MGAT5: variants seen among roughly 807,000 people sequenced by gnomAD.
The protein encoded by MGAT5 is alpha-1,6-mannosylglycoprotein 6-beta-N-acetylglucosaminyltransferase A.
Under a neutral mutation model 94.3 loss-of-function variants are expected in MGAT5, and 30 were observed. That is an observed-to-expected ratio of 0.32 (90% CI 0.24 to 0.43). The LOEUF (loss-of-function observed/expected upper bound fraction) is 0.43. MGAT5 is among the 20% of genes least tolerant of loss of function. MGAT5 has a pLI of 1.00. For synonymous variants in MGAT5, 310 were observed against 322.9 expected (o/e 0.96, Z 0.43); for missense variants, 691 against 905.5 (o/e 0.76, Z 3.04).
chr2:134,369,977 T>C (rs1680684564), intron 10 of MGAT5, among the ~76,000 whole-genome samples: 1 of 152,216 alleles, frequency 6.6e-6, no homozygotes, highest in Admixed American at 6.5e-5. Flanking sequence ...ATTTGGCTTT[T>C]GGCTTTCCAG....
At chr2:134,339,429 T>G (rs1346343971) in intron 6 of MGAT5, among the ~76,000 whole-genome samples, 1 of 152,194 alleles carries the variant, frequency 6.6e-6, no homozygotes, top group African/African-American at 2.4e-5. Flanking sequence ...TATATTTGCT[T>G]CTTGCTGTTA....
chr2:134,267,421 C>G (rs1683783270), intron 1 of MGAT5, among the ~76,000 whole-genome samples: 1 of 152,226 alleles, frequency 6.6e-6, no homozygotes, highest in Non-Finnish European at 1.5e-5. Flanking sequence ...AGCACACTGC[C>G]TGGCATATAG....
intron 2 of MGAT5, 97 bp downstream of exon 2, chr2:134,270,647 T>G (rs993492337): frequency 8.2e-7 from 1 of 1,221,518 alleles, no homozygotes; most frequent in Non-Finnish European, 1.1e-6. Flanking sequence ...GGAACCTGCA[T>G]AATATAAATT....
chr2:134,411,397 GCTT>G (rs1249002421), intron 11 of MGAT5, among the ~76,000 whole-genome samples: 1 of 152,120 alleles, frequency 6.6e-6, no homozygotes, highest in African/African-American at 2.4e-5. Flanking sequence ...GGCCTCTAAA[GCTT>G]CTTTTCTTCC....
chr2:134,180,490 G>T, intron 1 of MGAT5, among the ~76,000 whole-genome samples: 1 of 152,172 alleles, frequency 6.6e-6, no homozygotes, highest in East Asian at 1.9e-4. Flanking sequence ...ACACAGCAAC[G>T]CTATGAAGCA....
intron 8 of MGAT5, 71 bp downstream of exon 8, chr2:134,345,135 T>C (rs1214053945): frequency 2.7e-6 from 4 of 1,487,018 alleles, no homozygotes; most frequent in African/African-American, 1.4e-5. Flanking sequence ...TGGTTGTGGG[T>C]AGAAAAAGCT....
At chr2:134,165,089 T>C (rs1687910717) in intron 1 of MGAT5, among the ~76,000 whole-genome samples, 1 of 152,186 alleles carries the variant, frequency 6.6e-6, no homozygotes, top group Non-Finnish European at 1.5e-5. Context: ...TCCAGTATGG[T>C]AGCCATTAGT....
intron 1 of MGAT5, among the ~76,000 whole-genome samples, chr2:134,152,885 A>G (rs1687289496): frequency 6.7e-6 from 1 of 148,870 alleles, no homozygotes; most frequent in Admixed American, 6.7e-5. Context: ...TACCCTTTCC[A>G]GGCATGGAGT....
At chr2:134,142,525 G>A (rs1178437522) in intron 1 of MGAT5, among the ~76,000 whole-genome samples, 1 of 152,160 alleles carries the variant, frequency 6.6e-6, no homozygotes, top group Admixed American at 6.5e-5. Flanking sequence ...AGTGTTACTC[G>A]GATCTCCATT....
intron 1 of MGAT5, among the ~76,000 whole-genome samples, chr2:134,269,778 T>C (rs558232632): frequency 4.5e-4 from 69 of 152,310 alleles, no homozygotes; most frequent in African/African-American, 1.6e-3. Flanking sequence ...ATCTGGCACA[T>C]AGTAGTAGCT....
At chr2:134,198,634 A>G (rs936193382) in intron 1 of MGAT5, among the ~76,000 whole-genome samples, 1 of 152,198 alleles carries the variant, frequency 6.6e-6, no homozygotes, top group African/African-American at 2.4e-5. Flanking sequence ...CTAGTGGTCA[A>G]AACTACCTGG....
rs1682800922 is a variant in MGAT5 at position 134,254,360 on chromosome 2, T to G, written c.-44T>G. ...CTACACCATGAATTTGTGTCTATCT[T>G]CTACGCGTTAAGAGCCAAGGACAGG... is the stretch of plus-strand genomic sequence containing the variant. On this transcript the variant is annotated 5_prime_UTR_variant, in exon 1 of 16. Transcript: ENST00000281923. The G allele has an allele frequency of 1.2e-6, 2 of 1,608,112 alleles. No individual in the cohort carries two copies. Among genetic ancestry groups the G allele is most frequent in the Admixed American group, 1.7e-5 (1 of 59,534 alleles).
At chr2:134,282,700 A>G (rs1296885932) in intron 2 of MGAT5, among the ~76,000 whole-genome samples, 5 of 152,234 alleles carry the variant, frequency 3.3e-5, no homozygotes, top group Non-Finnish European at 7.3e-5. Context: ...AAACAAATAC[A>G]TAAACACATC....
chr2:134,215,488 C>G (rs557370024), intron 1 of MGAT5, among the ~76,000 whole-genome samples: 23 of 152,160 alleles, frequency 1.5e-4, no homozygotes, highest in Non-Finnish European at 3.4e-4. Context: ...GGAAGAGGAA[C>G]AGGCATGTGT....
chr2:134,133,861 C>T (rs1398544775), intron 1 of MGAT5, among the ~76,000 whole-genome samples: 1 of 152,144 alleles, frequency 6.6e-6, no homozygotes, highest in Non-Finnish European at 1.5e-5. Context: ...TGATCCGTTC[C>T]TCTGTGGGGG....
intron 1 of MGAT5, among the ~76,000 whole-genome samples, chr2:134,237,161 G>GA (rs1681693438): frequency 6.6e-6 from 1 of 152,036 alleles, no homozygotes; most frequent in Non-Finnish European, 1.5e-5. Flanking sequence ...GCGTGTGTGT[G>GA]AATTTTTACC....
At chr2:134,124,710 A>T (rs1685762937) in intron 1 of MGAT5, among the ~76,000 whole-genome samples, 1 of 152,268 alleles carries the variant, frequency 6.6e-6, no homozygotes, top group African/African-American at 2.4e-5. Context: ...AGTGAGTTAC[A>T]CCCAAGTACT....
intron 1 of MGAT5, among the ~76,000 whole-genome samples, chr2:134,175,790 T>C (rs1047175815): frequency 3.9e-5 from 6 of 152,218 alleles, no homozygotes; most frequent in African/African-American, 1.4e-4. Flanking sequence ...TCCACCTCCC[T>C]GGAAGAAAGG....
At chr2:134,259,000 C>A (rs1322158420) in intron 1 of MGAT5, among the ~76,000 whole-genome samples, 2 of 152,224 alleles carry the variant, frequency 1.3e-5, no homozygotes, top group Non-Finnish European at 2.9e-5. Context: ...AGTATCTTCC[C>A]TTCCCCAACC....
Sources: gnomAD v4.1 joint callset for allele counts (sites outside exome capture counted in the v4.1 genomes callset) on GRCh38, gnomAD v4.1.1 for gene constraint, MANE v1.5 for transcripts, NCBI Gene and HGNC (gene_info 2026-07-23, HGNC 2026-07-21) for gene names.